ZDHHC8: variants seen among roughly 807,000 people sequenced by gnomAD.
The protein encoded by ZDHHC8 is palmitoyltransferase ZDHHC8.
Under a neutral mutation model 61.2 loss-of-function variants are expected in ZDHHC8, and 24 were observed. The observed-to-expected ratio is 0.39, with a 90% confidence interval of 0.28 to 0.55. ZDHHC8 has a LOEUF of 0.55. Among genes scored for constraint, ZDHHC8 ranks in the 20% least tolerant of loss-of-function variants. The pLI is 0.60. For missense variants in ZDHHC8, 935 were observed against 1,102.1 expected (o/e 0.85, Z 2.15); for synonymous variants, 523 against 492.5 (o/e 1.06, Z -0.82).
At chr22:20,132,353 G>A (rs1439444490) in intron 1 of ZDHHC8, among the ~76,000 whole-genome samples, 3 of 152,204 alleles carry the variant, frequency 2.0e-5, no homozygotes. Flanking sequence ...GGAGGAGGCC[G>A]GGCTGCCCTG....
Position 20,140,913 on chromosome 22 carries a change from G to C in ZDHHC8, c.795G>C (p.Leu265Phe), listed in dbSNP as rs2050462899. The C allele has an allele frequency of 6.2e-7, 1 of 1,607,046 alleles. No individual in the cohort carries two copies. The highest frequency in any genetic ancestry group is 8.5e-7 in the Non-Finnish European group (1 of 1,179,984). The change falls in exon 7 of 11, where the codon TTG (leucine) becomes TTC (phenylalanine). Residue 265 changes from leucine (L) to phenylalanine (F), a missense_variant. Physicochemically the swap from Leu to Phe is conservative, Grantham distance 22. Transcript: ENST00000334554. ...CCCGGCTGCCGCTCGCGGTGAGTTT[G>C]AAGCCGCCTTTCCTTAGGCCTGAAC... is the stretch of plus-strand genomic sequence containing the variant. ...EPPRLPLAVSLKPPFLRPELL... is the reference protein window; with the variant it reads ...EPPRLPLAVSFKPPFLRPELL...
chr22:20,133,992 C>T (rs1245772231), intron 1 of ZDHHC8, among the ~76,000 whole-genome samples: 1 of 152,248 alleles, frequency 6.6e-6, no homozygotes, highest in Non-Finnish European at 1.5e-5. Context: ...GGCTCCCACT[C>T]TGCTGAGCAC....
At position 20,143,248 on chromosome 22, in the gene ZDHHC8, C is replaced by A. The variant is rs746770545; in HGVS notation, c.1618C>A (p.Arg540Ser). Residue 540 changes from arginine (R) to serine (S), a missense_variant, in exon 10 of 11, where the codon CGC (arginine) becomes AGC (serine). By Grantham distance (110) the Arg-to-Ser change is moderately radical. This residue lies in a region of ZDHHC8 where 692 missense variants were observed against 731.4 expected (regional missense o/e 0.95). Transcript: ENST00000334554. ...GPRPREPSPV[R>S]YDNLSRTIMA... is the part of the protein sequence containing the mutation. Reference sequence around the variant, plus strand: ...CCGCCCCCGGGAGCCCTCGCCTGTGCGCTACGACAACCTGTCCAGGACCAT... The same window carrying A: ...CCGCCCCCGGGAGCCCTCGCCTGTGAGCTACGACAACCTGTCCAGGACCAT... 2 of 1,606,306 alleles carry A rather than the reference C, an allele frequency of 1.2e-6. No individual in the cohort carries two copies. The highest frequency in any genetic ancestry group is 1.7e-5 in the Admixed American group (1 of 59,950).
In ZDHHC8 at chr22:20,143,293, C is replaced by A; in HGVS notation, c.1663C>A (p.Arg555Ser). 1 of 1,604,812 alleles carries A rather than the reference C, an allele frequency of 6.2e-7. No individual in the cohort carries two copies. Among genetic ancestry groups the A allele is most frequent in the Non-Finnish European group, 8.5e-7 (1 of 1,178,620 alleles). The change falls in exon 10 of 11, where the codon CGC becomes AGC. Residue 555 changes from arginine to serine, a missense_variant. By Grantham distance (110) the Arg-to-Ser change is moderately radical. Around this residue, in one of 3 missense-constraint regions of ZDHHC8, gnomAD observed 692 missense variants for 731.4 expected, o/e 0.95. Coordinates refer to ENST00000334554, the MANE Select transcript of ZDHHC8 (RefSeq NM_013373.4). ...SRTIMASIQE[R>S]KDREERERLL... ...GACCATCATGGCATCCATCCAGGAG[C>A]GCAAGGACAGGGAGGAGCGTGAGCG... is the stretch of plus-strand genomic sequence containing the variant.
chr22:20,147,067 C>G lies in ZDHHC8; in HGVS notation c.*1667C>G. The G allele has an allele frequency of 6.7e-7, 1 of 1,499,586 alleles. No homozygotes were observed. Among genetic ancestry groups the G allele is most frequent in the Non-Finnish European group, 8.9e-7 (1 of 1,124,190 alleles). The allele number at this position is 1,499,586 out of a possible 1,614,324, so 92.9% of individuals were successfully genotyped here. A position where few individuals can be genotyped will look rare whatever the true frequency, so the allele number is the denominator to read the frequency against. ...CCGTGGATGGGGGCGGCGTGGCCAGCCTTGGGTGCCTCCTGGGCTGCACCT... is the reference window on the plus strand; with the variant it reads ...CCGTGGATGGGGGCGGCGTGGCCAGGCTTGGGTGCCTCCTGGGCTGCACCT... On this transcript the variant is annotated 3_prime_UTR_variant, in exon 11 of 11. Coordinates refer to ENST00000334554, the MANE Select transcript of ZDHHC8 (RefSeq NM_013373.4).
chr22:20,143,333 A>G lies in ZDHHC8; in HGVS notation c.1703A>G (p.Gln568Arg), dbSNP rs1294427571. Residue 568 changes from glutamine to arginine, a missense_variant, in exon 10 of 11, where the codon CAG (glutamine) becomes CGG (arginine). Gln to Arg is a conservative substitution (Grantham distance 43). Around this residue, in one of 3 missense-constraint regions of ZDHHC8, gnomAD observed 692 missense variants for 731.4 expected, o/e 0.95. Coordinates refer to ENST00000334554, the MANE Select transcript of ZDHHC8 (RefSeq NM_013373.4). Reference sequence around the variant, plus strand: ...GAGCGTGAGCGCCTGCTGCGCTCCCAGGCCGACTCACTCTTCGGCGACTCA... The same window carrying G: ...GAGCGTGAGCGCCTGCTGCGCTCCCGGGCCGACTCACTCTTCGGCGACTCA... The part of the protein sequence containing the change: ...REERERLLRS[Q>R]ADSLFGDSGV... The G allele has an allele frequency of 6.3e-7, 1 of 1,589,348 alleles. No individual in the cohort carries two copies. The highest frequency in any genetic ancestry group is 1.3e-5 in the African/African-American group (1 of 74,464).
At chr22:20,142,546 A>C (rs2050479220) in intron 9 of ZDHHC8, among the ~76,000 whole-genome samples, 1 of 152,136 alleles carries the variant, frequency 6.6e-6, no homozygotes, top group Non-Finnish European at 1.5e-5. Flanking sequence ...TGTCTGCAGT[A>C]GCCAGCTGTG....
At position 20,140,707 on chromosome 22, in the gene ZDHHC8, C is replaced by T. The variant is rs1448489839; in HGVS notation, c.751C>T (p.Arg251Trp). Reference sequence around the variant, plus strand: ...CGTGCTGTGTAGCCCCCTGGCGCCCCGGTGAGGCCCGGCCTGGGCAGGGTG... The same window carrying T: ...CGTGCTGTGTAGCCCCCTGGCGCCCTGGTGAGGCCCGGCCTGGGCAGGGTG... Reference protein sequence around the residue: ...EHVLCSPLAPRYVVEPPRLPL... With the variant: ...EHVLCSPLAPWYVVEPPRLPL... Residue 251 changes from arginine (R) to tryptophan (W), a missense_variant and splice_region_variant, in exon 6 of 11, where the codon CGG becomes TGG. Physicochemically the swap from Arg to Trp is moderately radical, Grantham distance 101. This residue lies in a region of ZDHHC8 where 199 missense variants were observed against 334.0 expected (regional missense o/e 0.60). Coordinates refer to ENST00000334554, the MANE Select transcript of ZDHHC8 (RefSeq NM_013373.4). 3 of 1,609,480 alleles carry T rather than the reference C, an allele frequency of 1.9e-6. No individual in the cohort carries two copies. Among genetic ancestry groups the T allele is most frequent in the Non-Finnish European group, 2.5e-6 (3 of 1,178,730 alleles).
In ZDHHC8 at chr22:20,147,049, T is replaced by TG; in HGVS notation, c.*1654dup. Reference sequence around the variant, plus strand: ...GCGGATTGGCACCTGCACCCGTGGATGGGGGCGGCGTGGCCAGCCTTGGGT... The same window carrying TG: ...GCGGATTGGCACCTGCACCCGTGGATGGGGGGCGGCGTGGCCAGCCTTGGGT... On this transcript the variant is annotated 3_prime_UTR_variant, in exon 11 of 11. Transcript: ENST00000334554. 6.9e-7 allele frequency: 1 copy of TG among 1,451,924 alleles called. No individual in the cohort carries two copies. The allele number at this position is 1,451,924 out of a possible 1,614,324, so 89.9% of individuals were successfully genotyped here. A position where few individuals can be genotyped will look rare whatever the true frequency, so the allele number is the denominator to read the frequency against.
chr22:20,143,029 C>T lies in ZDHHC8; in HGVS notation c.1399C>T (p.Pro467Ser), dbSNP rs2050485761. 1 of 1,612,472 alleles carries T rather than the reference C, an allele frequency of 6.2e-7. No homozygotes were observed. The highest frequency in any genetic ancestry group is 8.5e-7 in the Non-Finnish European group (1 of 1,179,824). The change falls in exon 10 of 11, where the codon CCC becomes TCC. Residue 467 changes from proline to serine, a missense_variant. Pro to Ser is a moderately conservative substitution (Grantham distance 74). Around this residue, in one of 3 missense-constraint regions of ZDHHC8, gnomAD observed 692 missense variants for 731.4 expected, o/e 0.95. Coordinates refer to ENST00000334554, the MANE Select transcript of ZDHHC8 (RefSeq NM_013373.4). ...PPTPHRSIFAPHALPNRNGSL... is the reference protein window; with the variant it reads ...PPTPHRSIFASHALPNRNGSL... ...CACGCCCCACCGTAGCATTTTTGCC[C>T]CCCATGCACTGCCCAACCGCAACGG...
rs376286106 is a variant in ZDHHC8 at position 20,139,821 on chromosome 22, C to T, written c.486C>T (p.Gly162=). ...TGTCACTCAGTGCACACATGGTGGG[C>T]GTCGTGGCCTTCGGCCTGGTCTACG... The part of the protein sequence containing the change: ...FLLSLSAHMV[G]VVAFGLVYVL... The change falls in exon 4 of 11, where the codon GGC becomes GGT. Residue 162 remains glycine, a synonymous_variant. Coordinates refer to ENST00000334554, the MANE Select transcript of ZDHHC8 (RefSeq NM_013373.4). 120 of 1,612,866 alleles carry T rather than the reference C, an allele frequency of 7.4e-5. No homozygotes were observed. The highest frequency in any genetic ancestry group is 9.4e-5 in the Non-Finnish European group (111 of 1,180,020).
At position 20,146,030 on chromosome 22, in the gene ZDHHC8, G is replaced by A. The variant is rs1056810822; in HGVS notation, c.*630G>A. 7.7e-5 allele frequency: 76 copies of A among 986,092 alleles called. No individual in the cohort carries two copies. In the East Asian group the frequency reaches 1.8e-3, roughly 24 times the overall value. 61.1% of individuals were successfully genotyped at this position (986,092 alleles called of 1,614,324 possible). The stretch of plus-strand genomic sequence containing the variant: ...CCGGGGGCCCGGCTCCATGTGTCCC[G>A]TGTCTGTGTGCTGTGCTGCCGCGCC... On this transcript the variant is annotated 3_prime_UTR_variant, in exon 11 of 11. Transcript: ENST00000334554.
In ZDHHC8 at chr22:20,141,453, C is replaced by G; in HGVS notation, c.1048C>G (p.Pro350Ala). 1 of 1,613,402 alleles carries G rather than the reference C, an allele frequency of 6.2e-7. No individual in the cohort carries two copies. The highest frequency in any genetic ancestry group is 1.1e-5 in the South Asian group (1 of 91,078). Residue 350 changes from proline to alanine, a missense_variant, in exon 9 of 11, where the codon CCG becomes GCG. Physicochemically the swap from Pro to Ala is conservative, Grantham distance 27. Transcript: ENST00000334554. ...CCTGTCGGTGCAGAGGACCAGCCCC[C>G]CGACACCTGCCATGTACAAGTTTAG... ...SALSVQRTSPPTPAMYKFRPA... is the reference protein window; with the variant it reads ...SALSVQRTSPATPAMYKFRPA...
At chr22:20,140,079 G>A in intron 4 of ZDHHC8, 36 bp from the exon 5 acceptor site, 1 of 1,610,184 alleles carries the variant, frequency 6.2e-7, no homozygotes. Flanking sequence ...GGGGTCTGCG[G>A]TGTCCTGGCC....
intron 5 of ZDHHC8, 72 bp from the exon 6 acceptor site, chr22:20,140,545 C>A: frequency 6.9e-7 from 1 of 1,449,510 alleles, no homozygotes; most frequent in Non-Finnish European, 9.2e-7. Context: ...CCCCAGCTCC[C>A]TTGCCCAGCC....
chr22:20,143,670 C>T lies in ZDHHC8; in HGVS notation c.2040C>T (p.Pro680=), dbSNP rs756746284. 3 of 1,609,660 alleles carry T rather than the reference C, an allele frequency of 1.9e-6. No individual in the cohort carries two copies. The highest frequency in any genetic ancestry group is 4.5e-5 in the East Asian group (2 of 44,798). ...GCCTGCCCTCCCCGCCCGGCACTCCCCACTCACCATCCTACGCGGGCCCCA... is the reference window on the plus strand; with the variant it reads ...GCCTGCCCTCCCCGCCCGGCACTCCTCACTCACCATCCTACGCGGGCCCCA... ...RQGLPSPPGT[P]HSPSYAGPKA... The change falls in exon 10 of 11, where the codon CCC becomes CCT. Residue 680 remains proline, a synonymous_variant. Coordinates refer to ENST00000334554, the MANE Select transcript of ZDHHC8 (RefSeq NM_013373.4).
At position 20,143,245 on chromosome 22, in the gene ZDHHC8, G is replaced by A. The variant is rs1229071076; in HGVS notation, c.1615G>A (p.Val539Met). 3.7e-6 allele frequency: 6 copies of A among 1,606,472 alleles called. No individual in the cohort carries two copies. The highest frequency in any genetic ancestry group is 4.2e-6 in the Non-Finnish European group (5 of 1,179,530). Residue 539 changes from valine (V) to methionine (M), a missense_variant, in exon 10 of 11, where the codon GTG becomes ATG. Physicochemically the swap from Val to Met is conservative, Grantham distance 21. Transcript: ENST00000334554. The part of the protein sequence containing the change: ...LGPRPREPSP[V>M]RYDNLSRTIM... ...CCCCCGCCCCCGGGAGCCCTCGCCT[G>A]TGCGCTACGACAACCTGTCCAGGAC...
intron 1 of ZDHHC8, 49 bp from the exon 2 acceptor site, chr22:20,139,145 C>T: frequency 6.3e-7 from 1 of 1,588,346 alleles, no homozygotes; most frequent in African/African-American, 1.3e-5. Context: ...GCGCCTGCAT[C>T]CGCTCTGCAC....
At position 20,131,930 on chromosome 22, in the gene ZDHHC8, G is replaced by GGCGGC. The variant is rs1195861453; in HGVS notation, c.-10_-6dup. On this transcript the variant is annotated 5_prime_UTR_variant, in exon 1 of 11. Coordinates refer to ENST00000334554, the MANE Select transcript of ZDHHC8 (RefSeq NM_013373.4). ...CCCGCCCGGCCCCGGGGAGGGATGC[G>GGCGGC]GCGGCGCGGCGCCCAGGATGCCCCG... is the stretch of plus-strand genomic sequence containing the variant. 8.9e-7 allele frequency: 1 copy of GGCGGC among 1,117,432 alleles called. No homozygotes were observed. The highest frequency in any genetic ancestry group is 1.1e-6 in the Non-Finnish European group (1 of 906,834). The allele number at this position is 1,117,432 out of a possible 1,614,324, so 69.2% of individuals were successfully genotyped here. A position where few individuals can be genotyped will look rare whatever the true frequency, so the allele number is the denominator to read the frequency against.
Sources: gnomAD v4.1 joint callset for allele counts (sites outside exome capture counted in the v4.1 genomes callset) on GRCh38, gnomAD v4.1.1 for gene constraint, gnomAD v4.1.1 regional missense constraint, MANE v1.5 for transcripts, NCBI Gene and HGNC (gene_info 2026-07-23, HGNC 2026-07-21) for gene names.